Variants in MAML3 observed in about 807,000 individuals in gnomAD.
The protein encoded by MAML3 is mastermind like transcriptional coactivator 3, also known as mastermind-like protein 3.
A neutral mutation model predicts 101.9 loss-of-function variants in MAML3; 27 were observed. The observed-to-expected ratio is 0.27, with a 90% CI of 0.20 to 0.37. The LOEUF (loss-of-function observed/expected upper bound fraction) is 0.37. Among genes scored for constraint, MAML3 ranks in the 10% least tolerant of loss-of-function variants. MAML3 has a pLI of 1.00. For synonymous variants in MAML3, 501 were observed against 555.9 expected (o/e 0.90, Z 1.39); for missense variants, 1,316 against 1,444.9 (o/e 0.91, Z 1.45).
At chr4:139,905,848 C>T (rs1732814654) in intron 1 of MAML3, among the ~76,000 whole-genome samples, 1 of 152,260 alleles carries the variant, frequency 6.6e-6, no homozygotes, top group East Asian at 1.9e-4. Context: ...CCCTAATGCC[C>T]TCATTTTAAC....
intron 2 of MAML3, among the ~76,000 whole-genome samples, chr4:139,770,945 G>A (rs2111067121): frequency 1.3e-5 from 2 of 152,288 alleles, no homozygotes; most frequent in Middle Eastern, 6.8e-3. Flanking sequence ...CAGAGGTTGT[G>A]AAAGGATTAA....
At chr4:139,830,607 G>T (rs1245075389) in intron 2 of MAML3, among the ~76,000 whole-genome samples, 1 of 151,656 alleles carries the variant, frequency 6.6e-6, no homozygotes, top group Non-Finnish European at 1.5e-5. Context: ...GTAGAGACGG[G>T]GTTTCACTGT....
chr4:140,102,058 T>A (rs1035742090), intron 1 of MAML3, among the ~76,000 whole-genome samples: 1 of 152,196 alleles, frequency 6.6e-6, no homozygotes, highest in Admixed American at 6.5e-5. Flanking sequence ...AAACTTAACA[T>A]GTATAAATGA....
At chr4:140,016,817 C>T (rs141142841) in intron 1 of MAML3, among the ~76,000 whole-genome samples, 120 of 152,212 alleles carry the variant, frequency 7.9e-4, no homozygotes, top group African/African-American at 2.8e-3. Flanking sequence ...TATCTCAAAA[C>T]GGATCACAAA....
chr4:139,967,098 T>C (rs191756767), intron 1 of MAML3, among the ~76,000 whole-genome samples: 1 of 152,208 alleles, frequency 6.6e-6, no homozygotes, highest in African/African-American at 2.4e-5. Context: ...AAAGTCCTAA[T>C]ATTAGAAGAA....
intron 1 of MAML3, among the ~76,000 whole-genome samples, chr4:140,007,137 C>T (rs1041204310): frequency 3.9e-5 from 6 of 152,214 alleles, no homozygotes; most frequent in African/African-American, 7.2e-5. Context: ...GATAGCTTAT[C>T]GGCATTTTTT....
At chr4:139,815,740 G>C (rs1730881450) in intron 2 of MAML3, among the ~76,000 whole-genome samples, 1 of 152,056 alleles carries the variant, frequency 6.6e-6, no homozygotes, top group African/African-American at 2.4e-5. Flanking sequence ...AACTCAACTG[G>C]GACAAAGTTA....
At chr4:139,770,081 C>T (rs1729945002) in intron 2 of MAML3, among the ~76,000 whole-genome samples, 1 of 152,006 alleles carries the variant, frequency 6.6e-6, no homozygotes, top group African/African-American at 2.4e-5. Context: ...TACCATGTCT[C>T]AGCTAGTTTT....
At position 139,890,445 on chromosome 4, in the gene MAML3, C is replaced by T. The variant is rs776276339; in HGVS notation, c.991G>A (p.Glu331Lys). Residue 331 changes from glutamate (E) to lysine (K), a missense_variant, in exon 2 of 5, where the codon GAA (glutamate) becomes AAA (lysine). By Grantham distance (56) the Glu-to-Lys change is moderately conservative (BLOSUM62 1). Coordinates refer to ENST00000509479, the MANE Select transcript of MAML3 (RefSeq NM_018717.5). This position sits in a 1 kb window ranked among gnomAD's most constrained non-coding sequence, Gnocchi z 4.1. ...PEDDIQDLFN[E>K]DFEEKKEPEF... Reference sequence around the variant, plus strand: ...GGCTCCTTCTTCTCTTCAAAGTCTTCGTTGAACAGGTCCTGTATGTCATCC... The same window carrying T: ...GGCTCCTTCTTCTCTTCAAAGTCTTTGTTGAACAGGTCCTGTATGTCATCC... 1.6e-5 allele frequency: 26 copies of T among 1,611,356 alleles called. No individual in the cohort carries two copies. The highest frequency in any genetic ancestry group is 2.7e-5 in the African/African-American group (2 of 74,850).
At chr4:140,152,798 G>GCCCCCCCCCCCCCCCCC in intron 1 of MAML3, 62 bp downstream of exon 1, 2 of 1,555,822 alleles carry the variant, frequency 1.3e-6, no homozygotes, top group Non-Finnish European at 1.7e-6. Flanking sequence ...AGCTCCACGC[G>GCCCCCCCCCCCCCCCCC]CCCCCCACCA....
chr4:139,867,695 T>C (rs1731926167), intron 2 of MAML3, among the ~76,000 whole-genome samples: 1 of 152,230 alleles, frequency 6.6e-6, no homozygotes, highest in Non-Finnish European at 1.5e-5. Flanking sequence ...ATAATAATGA[T>C]GACAATGAAA....
At chr4:140,011,344 T>TA (rs1726558686) in intron 1 of MAML3, among the ~76,000 whole-genome samples, 1 of 130,908 alleles carries the variant, frequency 7.6e-6, no homozygotes, top group African/African-American at 2.6e-5. Flanking sequence ...CTTGTTTTGT[T>TA]TTTTTTTTTT....
intron 1 of MAML3, among the ~76,000 whole-genome samples, chr4:140,020,628 G>T (rs1278942415): frequency 1.3e-5 from 2 of 152,148 alleles, no homozygotes; most frequent in African/African-American, 4.8e-5. Context: ...GTGTGGAACA[G>T]CTATGTCAGA....
At chr4:139,938,434 C>T (rs1454915174) in intron 1 of MAML3, among the ~76,000 whole-genome samples, 1 of 152,204 alleles carries the variant, frequency 6.6e-6, no homozygotes, top group African/African-American at 2.4e-5. Flanking sequence ...GGCCTACTAT[C>T]AGTTAGTAAG....
intron 2 of MAML3, among the ~76,000 whole-genome samples, chr4:139,790,275 A>G (rs1730385069): frequency 6.8e-6 from 1 of 146,858 alleles, no homozygotes; most frequent in African/African-American, 2.5e-5. Context: ...ATATACCTAT[A>G]TATAATATAT....
chr4:139,965,785 T>A (rs1734118312), intron 1 of MAML3, among the ~76,000 whole-genome samples: 1 of 152,046 alleles, frequency 6.6e-6, no homozygotes, highest in Admixed American at 6.6e-5. Context: ...GAGAAAAGAG[T>A]GTCTTGCTAT....
At chr4:140,001,861 CAG>C (rs1481778697) in intron 1 of MAML3, among the ~76,000 whole-genome samples, 15 of 152,164 alleles carry the variant, frequency 9.9e-5, no homozygotes, top group African/African-American at 3.6e-4. Flanking sequence ...CAGGTTTACA[CAG>C]AGACTACTAT....
At chr4:140,120,931 C>G (rs915619685) in intron 1 of MAML3, among the ~76,000 whole-genome samples, 1 of 152,148 alleles carries the variant, frequency 6.6e-6, no homozygotes, top group African/African-American at 2.4e-5. Flanking sequence ...TGTACTTCTA[C>G]TATCAACAAA....
chr4:140,059,345 G>A (rs962413296), intron 1 of MAML3, among the ~76,000 whole-genome samples: 9 of 152,198 alleles, frequency 5.9e-5, no homozygotes, highest in African/African-American at 2.2e-4. Flanking sequence ...AGCAATGCCT[G>A]CTGGCAGGGA....
Sources: gnomAD v4.1 joint callset for allele counts (sites outside exome capture counted in the v4.1 genomes callset) on GRCh38, gnomAD v4.1.1 for gene constraint, Gnocchi (gnomAD v3.1) non-coding constraint, MANE v1.5 for transcripts, NCBI Gene and HGNC (gene_info 2026-07-23, HGNC 2026-07-21) for gene names.